Variants in SLC25A48 observed in about 807,000 individuals in gnomAD.
The protein encoded by SLC25A48 is CTC-321K16.1.
Under a neutral mutation model 32.2 loss-of-function variants are expected in SLC25A48, and 29 were observed. The ratio of observed to expected loss-of-function variants is 0.90; its 90% CI spans 0.67 to 1.23. SLC25A48 has a LOEUF of 1.23. Ranked by LOEUF, SLC25A48 falls within the 50% of genes most tolerant of loss-of-function variation. SLC25A48 has a pLI of 0.00. For synonymous variants in SLC25A48, 164 were observed against 172.3 expected (o/e 0.95, Z 0.38); for missense variants, 399 against 422.7 (o/e 0.94, Z 0.49).
intron 3 of SLC25A48, among the ~76,000 whole-genome samples, chr5:135,670,549 C>T (rs1364862148): frequency 1.3e-5 from 2 of 152,206 alleles, no homozygotes; most frequent in Non-Finnish European, 2.9e-5. Flanking sequence ...CATTTTGAGC[C>T]TCAGTTCCCT....
intron 6 of SLC25A48, among the ~76,000 whole-genome samples, chr5:135,879,128 C>T (rs533121561): frequency 1.2e-4 from 18 of 152,224 alleles, no homozygotes; most frequent in Middle Eastern, 6.8e-3. Context: ...CATGGAGTAG[C>T]AAAGGCGGAG....
intron 3 of SLC25A48, among the ~76,000 whole-genome samples, chr5:135,640,659 A>T (rs1299538218): frequency 6.6e-6 from 1 of 152,184 alleles, no homozygotes; most frequent in Admixed American, 6.5e-5. Context: ...ACCAATTGAA[A>T]TTTATCTCAG....
intron 3 of SLC25A48, among the ~76,000 whole-genome samples, chr5:135,697,665 T>A (rs1409010284): frequency 6.6e-6 from 1 of 152,122 alleles, no homozygotes; most frequent in Non-Finnish European, 1.5e-5. Flanking sequence ...AAGTTGTATG[T>A]CAGATGTGCC....
intron 3 of SLC25A48, among the ~76,000 whole-genome samples, chr5:135,644,884 A>G (rs886204930): frequency 6.6e-6 from 1 of 152,190 alleles, no homozygotes; most frequent in African/African-American, 2.4e-5. Flanking sequence ...TTCCATTGCC[A>G]TCACTGTTGA....
At chr5:135,730,688 AG>A (rs1430125981) in intron 3 of SLC25A48, among the ~76,000 whole-genome samples, 2 of 152,362 alleles carry the variant, frequency 1.3e-5, no homozygotes, top group East Asian at 3.9e-4. Context: ...AGAAGAAGAC[AG>A]GAAAATGTGG....
chr5:135,871,613 T>C lies in SLC25A48; in HGVS notation c.574T>C (p.Tyr192His). 6.2e-7 allele frequency: 1 copy of C among 1,614,192 alleles called. No homozygotes were observed. Among genetic ancestry groups the C allele is most frequent in the East Asian group, 2.2e-5 (1 of 44,870 alleles). ...CATGCTGCTGAGGGATGTCCCAGGC[T>C]ATTGCCTCTACTTCATCCCCTACGT... Reference protein sequence around the residue: ...SAMLLRDVPGYCLYFIPYVFL... With the variant: ...SAMLLRDVPGHCLYFIPYVFL... Residue 192 changes from tyrosine to histidine, a missense_variant, in exon 5 of 8, where the codon TAT (tyrosine) becomes CAT (histidine). By Grantham distance (83) the Tyr-to-His change is moderately conservative. Transcript: ENST00000681962.
chr5:135,674,907 TG>T (rs1279492508), intron 3 of SLC25A48, among the ~76,000 whole-genome samples: 23 of 66,360 alleles, frequency 3.5e-4, no homozygotes, highest in South Asian at 2.8e-3. Flanking sequence ...CTATTTTTAG[TG>T]GGGTTTTTTT....
chr5:135,820,126 A>G (rs1757844154), intron 4 of SLC25A48, among the ~76,000 whole-genome samples: 1 of 152,214 alleles, frequency 6.6e-6, no homozygotes, highest in African/African-American at 2.4e-5. Context: ...GTACCTAACC[A>G]TTTCTAGCAG....
chr5:135,740,188 G>GTA (rs939915968), intron 3 of SLC25A48, among the ~76,000 whole-genome samples: 37 of 151,284 alleles, frequency 2.4e-4, no homozygotes, highest in Admixed American at 5.9e-4. Context: ...GTGTGTGTAT[G>GTA]TATATATATA....
At chr5:135,646,249 AGCCCTCTCCG>A (rs1268793054) in intron 3 of SLC25A48, among the ~76,000 whole-genome samples, 1 of 122,448 alleles carries the variant, frequency 8.2e-6, no homozygotes, top group Non-Finnish European at 1.9e-5. Flanking sequence ...ACGGAGGAAG[AGCCCTCTCCG>A]GCCGGCTTGG....
chr5:135,752,915 C>T (rs1156603269), intron 3 of SLC25A48, among the ~76,000 whole-genome samples: 3 of 151,984 alleles, frequency 2.0e-5, no homozygotes, highest in African/African-American at 7.3e-5. Flanking sequence ...ACATGGTGTA[C>T]ACCCCCTGTG....
intron 3 of SLC25A48, among the ~76,000 whole-genome samples, chr5:135,750,256 T>C (rs35708767): frequency 0.3 from 46,188 of 152,096 alleles, 7,162 homozygotes; most frequent in East Asian, 0.46. Flanking sequence ...TATCAAGTGC[T>C]GTGTAACAAG....
intron 3 of SLC25A48, among the ~76,000 whole-genome samples, chr5:135,727,634 T>C (rs1403093124): frequency 1.3e-5 from 2 of 152,198 alleles, no homozygotes; most frequent in African/African-American, 4.8e-5. Context: ...TATTGTCAAT[T>C]GTTCCAACAT....
At chr5:135,703,283 T>G (rs1754434007) in intron 3 of SLC25A48, among the ~76,000 whole-genome samples, 1 of 152,214 alleles carries the variant, frequency 6.6e-6, no homozygotes. Context: ...CAATCACTAC[T>G]CAGGGATGCT....
At chr5:135,838,783 T>C (rs111256891) in intron 1 of SLC25A48, among the ~76,000 whole-genome samples, 20,733 of 152,260 alleles carry the variant, frequency 0.14, 1,787 homozygotes, top group Non-Finnish European at 0.19. Context: ...GGAACTGCCA[T>C]CTAGATTTCA....
intron 1 of SLC25A48, among the ~76,000 whole-genome samples, chr5:135,841,583 G>A (rs1244639456): frequency 6.6e-6 from 1 of 152,122 alleles, no homozygotes; most frequent in Non-Finnish European, 1.5e-5. Flanking sequence ...TGGGAGAAGT[G>A]GCCAAAGCAA....
intron 1 of SLC25A48, among the ~76,000 whole-genome samples, chr5:135,581,822 C>T (rs1751241472): frequency 6.6e-6 from 1 of 152,236 alleles, no homozygotes; most frequent in African/African-American, 2.4e-5. Flanking sequence ...TACAGGAGAG[C>T]ATGAGGCCCC....
chr5:135,628,550 A>T (rs1464493797), intron 1 of SLC25A48, among the ~76,000 whole-genome samples: 1 of 152,170 alleles, frequency 6.6e-6, no homozygotes, highest in Non-Finnish European at 1.5e-5. Context: ...AGATCATCCC[A>T]GTAGATCTGG....
At chr5:135,663,401 G>T (rs994874297) in intron 3 of SLC25A48, among the ~76,000 whole-genome samples, 1 of 152,114 alleles carries the variant, frequency 6.6e-6, no homozygotes, top group Non-Finnish European at 1.5e-5. Flanking sequence ...CTCTCCAGTA[G>T]TATCACCCTG....
Sources: gnomAD v4.1 joint callset for allele counts (sites outside exome capture counted in the v4.1 genomes callset) on GRCh38, gnomAD v4.1.1 for gene constraint, MANE v1.5 for transcripts, NCBI Gene and HGNC (gene_info 2026-07-23, HGNC 2026-07-21) for gene names.